ROBO2: variants seen among roughly 807,000 people sequenced by gnomAD.
ROBO2 encodes roundabout guidance receptor 2.
A neutral mutation model predicts 160.8 loss-of-function variants in ROBO2; 53 were observed. The ratio of observed to expected loss-of-function variants is 0.33; its 90% CI spans 0.26 to 0.41. ROBO2 has a LOEUF of 0.41. ROBO2 is among the 10% of genes least tolerant of loss of function. ROBO2 has a pLI of 1.00. For synonymous variants in ROBO2, 664 were observed against 611.7 expected, an observed-to-expected ratio of 1.09 and a Z score of -1.26; for missense variants, 1,577 against 1,722.4, an observed-to-expected ratio of 0.92 and a Z score of 1.49.
At chr3:77,418,536 T>C (rs13081602) in intron 2 of ROBO2, among the ~76,000 whole-genome samples, 18,493 of 152,092 alleles carry the variant, frequency 0.12, 1,361 homozygotes, top group East Asian at 0.27. Flanking sequence ...TCTTTTTCCC[T>C]TGGAGATTCA....
At position 76,009,841 on chromosome 3, in the gene ROBO2, C is replaced by T. The variant is rs551273405; in HGVS notation, c.109+72239C>T. Among the ~76,000 whole-genome samples, 47 of 152,286 alleles carry T rather than the reference C, an allele frequency of 3.1e-4. No individual in the cohort carries two copies. The South Asian group carries it at 9.7e-3, about 32-fold the overall frequency. ...ATTTCCAACATTTTAATCTTTGACT[C>T]TGCATTAGCCATTTTCAATTAGATA... On this transcript the variant is annotated intron_variant, in intron 2 of 26. Transcript: ENST00000487694.
intron 1 of ROBO2, among the ~76,000 whole-genome samples, chr3:75,915,378 T>C (rs1266277031): frequency 1.3e-5 from 2 of 152,160 alleles, no homozygotes; most frequent in Non-Finnish European, 2.9e-5. Flanking sequence ...TAGCCGTTAA[T>C]GAAATGTAAT....
intron 6 of ROBO2, among the ~76,000 whole-genome samples, chr3:77,537,868 C>T (rs1048579651): frequency 1.3e-5 from 2 of 152,004 alleles, no homozygotes; most frequent in Admixed American, 6.6e-5. Context: ...ATCACAAGAA[C>T]AGCAGGGTAA....
chr3:76,899,457 A>G (rs1385997647), intron 2 of ROBO2, among the ~76,000 whole-genome samples: 1 of 152,168 alleles, frequency 6.6e-6, no homozygotes, highest in Non-Finnish European at 1.5e-5. Context: ...ACAGGGACTT[A>G]TGTCTTGCCT....
chr3:76,594,822 T>C (rs2086639332), intron 2 of ROBO2, among the ~76,000 whole-genome samples: 1 of 152,072 alleles, frequency 6.6e-6, no homozygotes, highest in Admixed American at 6.6e-5. Flanking sequence ...ACTGAGTTAC[T>C]TGTGTAGCAT....
At chr3:75,962,634 A>G (rs1225618485) in intron 2 of ROBO2, among the ~76,000 whole-genome samples, 2 of 151,862 alleles carry the variant, frequency 1.3e-5, no homozygotes, top group South Asian at 2.1e-4. Context: ...TATTGTGTAT[A>G]TCTGTTATTT....
intron 2 of ROBO2, among the ~76,000 whole-genome samples, chr3:76,302,388 T>G (rs1432744620): frequency 2.0e-5 from 3 of 152,102 alleles, no homozygotes; most frequent in African/African-American, 7.2e-5. Context: ...TCTTCAACAT[T>G]CATAATATAG....
At chr3:76,439,286 T>A (rs2076816971) in intron 2 of ROBO2, among the ~76,000 whole-genome samples, 1 of 147,972 alleles carries the variant, frequency 6.8e-6, no homozygotes, top group Non-Finnish European at 1.5e-5. Context: ...TAAAATGGGA[T>A]TCTGCTGAAG....
intron 2 of ROBO2, among the ~76,000 whole-genome samples, chr3:76,540,579 A>G (rs1325847511): frequency 6.6e-6 from 1 of 152,190 alleles, no homozygotes; most frequent in South Asian, 2.1e-4. Context: ...TTTAACTTCT[A>G]GAATATATGC....
At chr3:77,390,367 G>T (rs972500055) in intron 2 of ROBO2, among the ~76,000 whole-genome samples, 1 of 152,136 alleles carries the variant, frequency 6.6e-6, no homozygotes, top group Non-Finnish European at 1.5e-5. Context: ...TTGAACTGTA[G>T]CTTCCACAAT....
intron 2 of ROBO2, among the ~76,000 whole-genome samples, chr3:76,872,832 C>T (rs942582963): frequency 6.6e-6 from 1 of 151,642 alleles, no homozygotes; most frequent in African/African-American, 2.4e-5. Context: ...TGGCATCTGT[C>T]CAGTATTTTA....
At chr3:77,411,081 T>A (rs1364738149) in intron 2 of ROBO2, among the ~76,000 whole-genome samples, 1 of 152,128 alleles carries the variant, frequency 6.6e-6, no homozygotes, top group Non-Finnish European at 1.5e-5. Flanking sequence ...ATGCTGATAT[T>A]ACAGGCATGA....
intron 1 of ROBO2, among the ~76,000 whole-genome samples, chr3:75,928,279 C>G (rs896306665): frequency 6.6e-6 from 1 of 152,152 alleles, no homozygotes; most frequent in Non-Finnish European, 1.5e-5. Context: ...CCACCGTGCC[C>G]GGCCTCTATT....
intron 2 of ROBO2, among the ~76,000 whole-genome samples, chr3:76,843,410 G>T (rs1021840936): frequency 4.6e-5 from 7 of 152,054 alleles, no homozygotes; most frequent in Non-Finnish European, 8.8e-5. Flanking sequence ...GTATTAATGA[G>T]AAATTTAAAG....
At chr3:76,835,872 G>T (rs936433054) in intron 2 of ROBO2, among the ~76,000 whole-genome samples, 1 of 151,922 alleles carries the variant, frequency 6.6e-6, no homozygotes, top group African/African-American at 2.4e-5. Flanking sequence ...GCACATATGA[G>T]ATTTAACTTT....
chr3:76,413,905 G>T (rs2075621526), intron 2 of ROBO2, among the ~76,000 whole-genome samples: 1 of 149,746 alleles, frequency 6.7e-6, no homozygotes, highest in Non-Finnish European at 1.5e-5. Flanking sequence ...TTTTCATGCT[G>T]CTGATAAAGA....
chr3:76,264,170 G>A (rs1353463363), intron 2 of ROBO2, among the ~76,000 whole-genome samples: 2 of 151,950 alleles, frequency 1.3e-5, no homozygotes, highest in Admixed American at 1.3e-4. Context: ...AAACCACCAT[G>A]GCACATGTGT....
exon 2 of ROBO2, chr3:77,098,019 C>T (rs2150073526): frequency 6.4e-7 from 1 of 1,560,966 alleles, no homozygotes; most frequent in Non-Finnish European, 8.7e-7. Context: ...TGTAGGATCG[C>T]GTCTTCGCCA....
intron 2 of ROBO2, among the ~76,000 whole-genome samples, chr3:76,342,203 T>A (rs1056640014): frequency 2.6e-5 from 4 of 152,128 alleles, no homozygotes; most frequent in African/African-American, 9.7e-5. Context: ...CCATCCCAAC[T>A]CATCTCCAAA....
Sources: gnomAD v4.1 joint callset for allele counts (sites outside exome capture counted in the v4.1 genomes callset) on GRCh38, gnomAD v4.1.1 for gene constraint, MANE v1.5 for transcripts, NCBI Gene and HGNC (gene_info 2026-07-23, HGNC 2026-07-21) for gene names.